Variants in CRB1 observed in about 807,000 individuals in gnomAD.
The protein encoded by CRB1 is crumbs cell polarity complex component 1.
A neutral mutation model predicts 120.0 loss-of-function variants in CRB1; 83 were observed. The ratio of observed to expected loss-of-function variants is 0.69; its 90% CI spans 0.58 to 0.83. CRB1 has a LOEUF of 0.83. Ranked by LOEUF, CRB1 falls within the 40% of genes least tolerant of loss-of-function variation. The probability of loss-of-function intolerance (pLI) is 0.00; values close to 1 mark genes in which losing one functional copy is unlikely to be tolerated. For synonymous variants in CRB1, 625 were observed against 612.5 expected (o/e 1.02, Z -0.30); for missense variants, 1,699 against 1,687.6 (o/e 1.01, Z -0.12).
the CRB1 span, chr1:197,222,749 C>T: frequency 7.2e-6 from 7 of 966,414 alleles, no homozygotes; most frequent in Non-Finnish European, 1.2e-5. Flanking sequence ...ATGGAGTTGA[C>T]TTGCTCTTTC....
At chr1:197,309,033 G>A (rs1015072811) in intron 1 of CRB1, among the ~76,000 whole-genome samples, 13 of 150,572 alleles carry the variant, frequency 8.6e-5, no homozygotes, top group Non-Finnish European at 7.4e-5. Flanking sequence ...ATACACAAAC[G>A]TGTATATGTA....
At chr1:197,442,073 G>A (rs1665470740) in intron 10 of CRB1, 93 bp from the exon 11 acceptor site, 9 of 1,461,008 alleles carry the variant, frequency 6.2e-6, no homozygotes, top group Non-Finnish European at 9.6e-7. Context: ...AGACTGTGCT[G>A]TTCCAGAGAG....
intron 5 of CRB1, among the ~76,000 whole-genome samples, chr1:197,377,297 A>G (rs1317283622): frequency 1.3e-5 from 2 of 152,134 alleles, no homozygotes; most frequent in African/African-American, 4.8e-5. Flanking sequence ...CATCTTGACT[A>G]CTATAGCTCC....
intron 5 of CRB1, chr1:197,360,375 T>C (rs1219053658): frequency 2.6e-5 from 4 of 152,282 alleles, no homozygotes; most frequent in African/African-American, 9.6e-5. Context: ...ATGAAATGGT[T>C]GCATGCTGCC....
intron 1 of CRB1, among the ~76,000 whole-genome samples, chr1:197,325,075 G>A (rs1205403884): frequency 6.6e-6 from 1 of 152,088 alleles, no homozygotes; most frequent in African/African-American, 2.4e-5. Flanking sequence ...TCACAGCAAG[G>A]CTTAAATGGG....
chr1:197,369,088 C>T (rs1661230673), intron 5 of CRB1, among the ~76,000 whole-genome samples: 2 of 152,126 alleles, frequency 1.3e-5, no homozygotes, highest in South Asian at 2.1e-4. Context: ...ATCCTGCGAG[C>T]TCTCATATGA....
intron 5 of CRB1, among the ~76,000 whole-genome samples, chr1:197,405,315 T>A (rs1335661505): frequency 6.6e-6 from 1 of 152,062 alleles, no homozygotes; most frequent in African/African-American, 2.4e-5. Context: ...TAACCGCGAG[T>A]GATCCGCCAG....
At chr1:197,378,625 C>T (rs533695129) in intron 5 of CRB1, among the ~76,000 whole-genome samples, 2 of 152,248 alleles carry the variant, frequency 1.3e-5, no homozygotes, top group South Asian at 4.2e-4. Flanking sequence ...AGTCTGACCC[C>T]AATAAGGAAG....
chr1:197,417,294 C>T lies in CRB1; in HGVS notation c.1172-3706C>T, dbSNP rs182926107. ...TGAAAAAGCGTGATGACTCTTAACCCGAGGTGTCAGGAAAGAGAGAGAAAG... is the reference window on the plus strand; with the variant it reads ...TGAAAAAGCGTGATGACTCTTAACCTGAGGTGTCAGGAAAGAGAGAGAAAG... On this transcript the variant is annotated intron_variant, in intron 5 of 11. Coordinates refer to ENST00000367400, the MANE Select transcript of CRB1 (RefSeq NM_201253.3). Among the ~76,000 whole-genome samples, 25 of 152,208 alleles carry T rather than the reference C, an allele frequency of 1.6e-4. No individual in the cohort carries two copies. The East Asian group carries it at 3.9e-3, about 24-fold the overall frequency.
At chr1:197,263,870 CTTTT>C (rs927112693), upstream of CRB1, among the ~76,000 whole-genome samples, 1 of 151,900 alleles carries the variant, frequency 6.6e-6, no homozygotes, top group South Asian at 2.1e-4. Flanking sequence ...ATTTTAATGA[CTTTT>C]TTTATTTTTA....
At chr1:197,339,754 T>C (rs1659350020) in intron 2 of CRB1, among the ~76,000 whole-genome samples, 2 of 152,186 alleles carry the variant, frequency 1.3e-5, no homozygotes, top group African/African-American at 2.4e-5. Flanking sequence ...AAGATGCCAA[T>C]TGGAGTGCAA....
rs549048071 is a variant in CRB1, at chr1:197,269,265, A to G, written c.70+783A>G. Among the ~76,000 whole-genome samples, 7 of 152,328 alleles carry G rather than the reference A, an allele frequency of 4.6e-5. No individual in the cohort carries two copies. In the South Asian group the frequency reaches 1.5e-3, roughly 32 times the overall value. On this transcript the variant is annotated intron_variant, in intron 1 of 11. Coordinates refer to ENST00000367400, the MANE Select transcript of CRB1 (RefSeq NM_201253.3). ...GTTGAATCTGAATATCAATAAGGCAAAGCGTAGAGCAGCTGCCGTTGAACA... is the reference window on the plus strand; with the variant it reads ...GTTGAATCTGAATATCAATAAGGCAGAGCGTAGAGCAGCTGCCGTTGAACA...
At chr1:197,407,236 G>A (rs1663458986) in intron 5 of CRB1, among the ~76,000 whole-genome samples, 2 of 152,182 alleles carry the variant, frequency 1.3e-5, no homozygotes, top group African/African-American at 4.8e-5. Flanking sequence ...TTTATTCTAT[G>A]AAGGACATAA....
the CRB1 span, among the ~76,000 whole-genome samples, chr1:197,228,288 C>G: frequency 1.3e-5 from 2 of 152,302 alleles, no homozygotes; most frequent in East Asian, 3.9e-4. Flanking sequence ...ATTTTCTGAA[C>G]TTTTATGCTC....
In CRB1 at chr1:197,419,996, A is replaced by C. The variant is rs537182155; in HGVS notation, c.1172-1004A>C. On this transcript the variant is annotated intron_variant, in intron 5 of 11. Coordinates refer to ENST00000367400, the MANE Select transcript of CRB1 (RefSeq NM_201253.3). The stretch of plus-strand genomic sequence containing the variant: ...ACACGATCTCAAAAACGAAAAAAAA[A>C]AAACAAACAAAAAAAACTAGTTAAT... 2.8e-3 allele frequency among the ~76,000 whole-genome samples: 220 copies of C among 78,464 alleles called. 4 individuals carry two copies. The highest frequency in any genetic ancestry group is 3.8e-3 in the Non-Finnish European group (96 of 25,538). The allele number at this position is 78,464 out of a possible 152,430, so 51.5% of individuals were successfully genotyped here. A position where few individuals can be genotyped will look rare whatever the true frequency, so the allele number is the denominator to read the frequency against.
intron 1 of CRB1, among the ~76,000 whole-genome samples, chr1:197,309,752 C>T (rs1028909491): frequency 2.7e-4 from 27 of 98,232 alleles, no homozygotes; most frequent in African/African-American, 9.2e-4. Context: ...GACTACATCT[C>T]AAAATAAATA....
At chr1:197,321,081 C>T (rs371175570) in intron 1 of CRB1, among the ~76,000 whole-genome samples, 9 of 152,180 alleles carry the variant, frequency 5.9e-5, no homozygotes, top group South Asian at 2.1e-4. Flanking sequence ...GAATTCATTA[C>T]GTAATCACTT....
At chr1:197,424,887 C>A (rs1024625251) in intron 6 of CRB1, among the ~76,000 whole-genome samples, 2 of 152,160 alleles carry the variant, frequency 1.3e-5, no homozygotes, top group African/African-American at 4.8e-5. Context: ...ATGAGTATCA[C>A]CCTTCCAAAT....
chr1:197,279,421 A>C (rs530908923), intron 1 of CRB1, among the ~76,000 whole-genome samples: 1 of 151,960 alleles, frequency 6.6e-6, no homozygotes, highest in East Asian at 1.9e-4. Flanking sequence ...GTAATCTTAA[A>C]ATAATTAAAG....
Sources: gnomAD v4.1 joint callset for allele counts (sites outside exome capture counted in the v4.1 genomes callset) on GRCh38, gnomAD v4.1.1 for gene constraint, MANE v1.5 for transcripts, NCBI Gene and HGNC (gene_info 2026-07-23, HGNC 2026-07-21) for gene names.